The following CHRM3 variants were observed in gnomAD, a reference collection of about 807,000 sequenced individuals.
The protein encoded by CHRM3 is cholinergic receptor muscarinic 3.
Under a neutral mutation model 41.8 loss-of-function variants are expected in CHRM3, and 11 were observed. The observed-to-expected ratio is 0.26, with a 90% CI of 0.17 to 0.44. CHRM3 has a LOEUF of 0.44. Among genes scored for constraint, CHRM3 ranks in the 20% least tolerant of loss-of-function variants. The probability of loss-of-function intolerance (pLI) is 1.00; values close to 1 mark genes in which losing one functional copy is unlikely to be tolerated. For synonymous variants in CHRM3, 297 were observed against 301.4 expected (o/e 0.99, Z 0.15); for missense variants, 571 against 745.4 (o/e 0.77, Z 2.72).
intron 1 of CHRM3, among the ~76,000 whole-genome samples, chr1:239,445,005 G>T (rs1558229383): frequency 6.6e-6 from 1 of 152,220 alleles, no homozygotes; most frequent in Non-Finnish European, 1.5e-5. Context: ...TGGTTTCCTT[G>T]TGTGCAGTGG....
At chr1:239,783,277 T>C (rs1004961065) in intron 5 of CHRM3, among the ~76,000 whole-genome samples, 2 of 151,852 alleles carry the variant, frequency 1.3e-5, no homozygotes, top group African/African-American at 4.8e-5. Flanking sequence ...ATTATAGTTA[T>C]GCTTAGAGAG....
chr1:239,599,261 GTCTTCCACAGTGACAC>G (rs1285047123), intron 3 of CHRM3, among the ~76,000 whole-genome samples: 2 of 151,958 alleles, frequency 1.3e-5, no homozygotes, highest in Non-Finnish European at 2.9e-5. Flanking sequence ...TTGTTGAATT[GTCTTCCACAGTGACAC>G]TCTTCCACAG....
chr1:239,552,653 A>T (rs530155654), intron 3 of CHRM3, among the ~76,000 whole-genome samples: 1 of 146,888 alleles, frequency 6.8e-6, no homozygotes, highest in Non-Finnish European at 1.5e-5. Context: ...TATTATTATT[A>T]TTATTATTAA....
At chr1:239,417,579 GTTTTTT>G (rs34926014) in intron 1 of CHRM3, among the ~76,000 whole-genome samples, 4 of 122,666 alleles carry the variant, frequency 3.3e-5, no homozygotes, top group Non-Finnish European at 5.0e-5. Flanking sequence ...AGATTAATTT[GTTTTTT>G]TTTTTTTTTT....
chr1:239,390,808 G>T (rs539327589), intron 1 of CHRM3, among the ~76,000 whole-genome samples: 1 of 152,260 alleles, frequency 6.6e-6, no homozygotes, highest in African/African-American at 2.4e-5. Context: ...AGACAGTATA[G>T]ATCTCCATTA....
At chr1:239,475,760 A>G (rs1184824381) in intron 1 of CHRM3, among the ~76,000 whole-genome samples, 1 of 152,180 alleles carries the variant, frequency 6.6e-6, no homozygotes, top group African/African-American at 2.4e-5. Flanking sequence ...CAGTAAATCT[A>G]AAACTTCTAA....
intron 5 of CHRM3, among the ~76,000 whole-genome samples, chr1:239,819,211 G>A (rs537533671): frequency 2.0e-5 from 3 of 152,216 alleles, no homozygotes; most frequent in Non-Finnish European, 4.4e-5. Context: ...CCTTCCAGTC[G>A]ATGTCACCCC....
intron 3 of CHRM3, among the ~76,000 whole-genome samples, chr1:239,618,688 C>CAAAAAAAAAA (rs1174436264): frequency 2.7e-5 from 4 of 150,480 alleles, no homozygotes; most frequent in Non-Finnish European, 4.4e-5. Flanking sequence ...ACTAAAAATA[C>CAAAAAAAAAA]AAAAAATTAG....
intron 6 of CHRM3, among the ~76,000 whole-genome samples, chr1:239,904,309 C>G (rs1368199904): frequency 2.6e-5 from 4 of 152,260 alleles, no homozygotes; most frequent in South Asian, 2.1e-4. Flanking sequence ...TAAAGAGGAC[C>G]AAATGCCACT....
chr1:239,452,454 G>A (rs1042612795), intron 1 of CHRM3, among the ~76,000 whole-genome samples: 1 of 152,170 alleles, frequency 6.6e-6, no homozygotes, highest in East Asian at 1.9e-4. Flanking sequence ...GTGATTGCCA[G>A]TTTTTAAAAT....
At chr1:239,533,397 T>C (rs1657856055) in intron 2 of CHRM3, among the ~76,000 whole-genome samples, 1 of 152,066 alleles carries the variant, frequency 6.6e-6, no homozygotes, top group Non-Finnish European at 1.5e-5. Flanking sequence ...GAAAGGCACC[T>C]TCTTCACAGG....
intron 5 of CHRM3, among the ~76,000 whole-genome samples, chr1:239,812,006 T>G (rs1671158410): frequency 6.6e-6 from 1 of 152,212 alleles, no homozygotes; most frequent in African/African-American, 2.4e-5. Flanking sequence ...ATTCATTTGT[T>G]TAATAAAAAA....
chr1:239,825,040 C>T (rs1005488329), intron 5 of CHRM3, among the ~76,000 whole-genome samples: 10 of 152,206 alleles, frequency 6.6e-5, no homozygotes, highest in African/African-American at 9.7e-5. Flanking sequence ...TGCCAGTGCA[C>T]GTGCTGTGAT....
chr1:239,790,946 A>G (rs891144212), intron 5 of CHRM3, among the ~76,000 whole-genome samples: 2 of 151,962 alleles, frequency 1.3e-5, no homozygotes, highest in African/African-American at 4.8e-5. Flanking sequence ...GCATGATAAA[A>G]TTTATTCACA....
At position 239,909,975 on chromosome 1, in the gene CHRM3, A is replaced by G. The variant is rs1041920096; in HGVS notation, c.*751A>G. On this transcript the variant is annotated 3_prime_UTR_variant, in exon 7 of 7. Coordinates refer to ENST00000676153, the MANE Select transcript of CHRM3 (RefSeq NM_001375978.1). ...CTGAAGTTCTCTAGGATCCTAATGCAACATTAACGTGAAATAAGCCCAGTG... is the reference window on the plus strand; with the variant it reads ...CTGAAGTTCTCTAGGATCCTAATGCGACATTAACGTGAAATAAGCCCAGTG... 6.0e-6 allele frequency: 1 copy of G among 167,042 alleles called. No individual in the cohort carries two copies. The highest frequency in any genetic ancestry group is 2.4e-5 in the African/African-American group (1 of 41,434). The allele number at this position is 167,042 out of a possible 1,614,324, so 10.3% of individuals were successfully genotyped here. A position where few individuals can be genotyped will look rare whatever the true frequency, so the allele number is the denominator to read the frequency against.
chr1:239,736,175 T>C (rs1485481895), intron 5 of CHRM3, among the ~76,000 whole-genome samples: 2 of 152,040 alleles, frequency 1.3e-5, no homozygotes, highest in Admixed American at 6.6e-5. Context: ...AAAAGTCCCA[T>C]GAGGAAGATA....
intron 3 of CHRM3, among the ~76,000 whole-genome samples, chr1:239,572,452 A>G (rs1350064770): frequency 6.6e-6 from 1 of 152,198 alleles, no homozygotes; most frequent in Non-Finnish European, 1.5e-5. Context: ...ATATTAATGA[A>G]GGTCATGTTG....
intron 5 of CHRM3, among the ~76,000 whole-genome samples, chr1:239,793,465 G>T (rs1229147763): frequency 1.3e-5 from 2 of 152,110 alleles, no homozygotes; most frequent in Non-Finnish European, 2.9e-5. Flanking sequence ...CAGCATTAGG[G>T]ACTTTTTAAA....
At chr1:239,763,085 G>A (rs1666931976) in intron 5 of CHRM3, among the ~76,000 whole-genome samples, 1 of 152,130 alleles carries the variant, frequency 6.6e-6, no homozygotes, top group South Asian at 2.1e-4. Flanking sequence ...GAACCCATGA[G>A]GAAATCTTAT....
Sources: allele counts gnomAD v4.1 joint callset (sites outside exome capture counted in the v4.1 genomes callset), GRCh38; gene constraint gnomAD v4.1.1; transcripts MANE v1.5; gene names NCBI Gene and HGNC (gene_info 2026-07-23, HGNC 2026-07-21).